Variants in SACM1L observed in about 807,000 individuals in gnomAD.
The protein encoded by SACM1L is SAC1 like phosphatidylinositide phosphatase.
Under a neutral mutation model 89.5 loss-of-function variants are expected in SACM1L, and 32 were observed. That is an observed-to-expected ratio of 0.36 (90% CI 0.27 to 0.48). The LOEUF (loss-of-function observed/expected upper bound fraction) is 0.48. Among genes scored for constraint, SACM1L ranks in the 20% least tolerant of loss-of-function variants. The pLI is 0.99. For synonymous variants in SACM1L, 213 were observed against 232.8 expected, an observed-to-expected ratio of 0.92 and a Z score of 0.77; for missense variants, 543 against 708.5, an observed-to-expected ratio of 0.77 and a Z score of 2.65.
intron 11 of SACM1L, among the ~76,000 whole-genome samples, chr3:45,730,389 A>G (rs1699022282): frequency 6.6e-6 from 1 of 151,288 alleles, no homozygotes; most frequent in Admixed American, 6.6e-5. Context: ...TATTTTTGCC[A>G]AAACTTTCTT....
intron 5 of SACM1L, among the ~76,000 whole-genome samples, chr3:45,711,493 C>G (rs375473117): frequency 6.6e-6 from 1 of 151,728 alleles, no homozygotes; most frequent in South Asian, 2.1e-4. Context: ...TCAGGTGTGG[C>G]GGCACGCACC....
chr3:45,740,773 C>T (rs1318284043), intron 19 of SACM1L, among the ~76,000 whole-genome samples: 1 of 151,856 alleles, frequency 6.6e-6, no homozygotes, highest in African/African-American at 2.4e-5. Flanking sequence ...CTTTTTTTCA[C>T]TGAGCAGTAT....
chr3:45,740,940 G>C (rs1699300320), intron 19 of SACM1L, among the ~76,000 whole-genome samples: 1 of 152,172 alleles, frequency 6.6e-6, no homozygotes, highest in Non-Finnish European at 1.5e-5. Context: ...AGGAGACAAG[G>C]TCTTTACTGG....
intron 19 of SACM1L, among the ~76,000 whole-genome samples, chr3:45,740,724 A>AT (rs1245467154): frequency 6.6e-6 from 1 of 151,926 alleles, no homozygotes; most frequent in South Asian, 2.1e-4. Context: ...AGTGTCTGTG[A>AT]TTTTTTTTCA....
intron 7 of SACM1L, among the ~76,000 whole-genome samples, chr3:45,716,460 C>T (rs535133479): frequency 3.5e-4 from 53 of 152,226 alleles, no homozygotes; most frequent in African/African-American, 1.3e-3. Context: ...CAGCGCAAGA[C>T]CTCTACTCAA....
intron 1 of SACM1L, among the ~76,000 whole-genome samples, chr3:45,691,909 A>T (rs1698001044): frequency 6.6e-6 from 1 of 152,180 alleles, no homozygotes; most frequent in Non-Finnish European, 1.5e-5. Context: ...TACAATTTCC[A>T]GTTCCATCTT....
chr3:45,697,269 C>CT (rs869095037), intron 1 of SACM1L, among the ~76,000 whole-genome samples: 2,197 of 91,996 alleles, frequency 0.024, 95 homozygotes, highest in African/African-American at 0.063. Flanking sequence ...TTTTCTTTTC[C>CT]TTTTTTTTTT....
At chr3:45,701,246 G>A (rs1213623005) in intron 1 of SACM1L, among the ~76,000 whole-genome samples, 2 of 152,084 alleles carry the variant, frequency 1.3e-5, no homozygotes, top group Admixed American at 1.3e-4. Context: ...TAGTAATAGA[G>A]TATGGTGAAG....
chr3:45,705,005 A>C, intron 2 of SACM1L, 130 bp from the exon 3 acceptor site: 1 of 601,460 alleles, frequency 1.7e-6, no homozygotes, highest in Non-Finnish European at 2.9e-6. Flanking sequence ...TAAGTTAAGG[A>C]ATGTTGCTTT....
chr3:45,723,270 GTGT>G (rs1201334511), intron 10 of SACM1L, among the ~76,000 whole-genome samples: 1 of 152,120 alleles, frequency 6.6e-6, no homozygotes, highest in African/African-American at 2.4e-5. Context: ...TAAAGTGGTA[GTGT>G]TGCAGCTCAG....
At chr3:45,732,770 T>C (rs1364915548) in intron 13 of SACM1L, among the ~76,000 whole-genome samples, 3 of 152,234 alleles carry the variant, frequency 2.0e-5, no homozygotes, top group Non-Finnish European at 4.4e-5. Context: ...TACCATACTC[T>C]ATGCGTGCCA....
intron 1 of SACM1L, among the ~76,000 whole-genome samples, chr3:45,697,417 C>T (rs549214730): frequency 2.6e-5 from 4 of 151,754 alleles, no homozygotes; most frequent in South Asian, 2.1e-4. Context: ...GCTGAGGCCA[C>T]AGGTGCATAC....
At chr3:45,731,505 C>A in intron 12 of SACM1L, 125 bp downstream of exon 12, 1 of 502,224 alleles carries the variant, frequency 2.0e-6, no homozygotes, top group South Asian at 4.1e-5. Context: ...TAGATCAAAG[C>A]ATGATATTTT....
rs1698140197 is a variant in SACM1L at position 45,696,886 on chromosome 3, A to G, written c.33-6552A>G. 1.3e-5 allele frequency among the ~76,000 whole-genome samples: 2 copies of G among 152,236 alleles called. 1 individual carries two copies. Among genetic ancestry groups the G allele is most frequent in the South Asian group, 4.1e-4 (2 of 4,836 alleles). On this transcript the variant is annotated intron_variant, in intron 1 of 19. Coordinates refer to ENST00000389061, the MANE Select transcript of SACM1L (RefSeq NM_014016.5). ...TGATGTTAATATTATAATTAAAGATATTGCTTTTCTTAAAATTTAACAAGA... is the reference window on the plus strand; with the variant it reads ...TGATGTTAATATTATAATTAAAGATGTTGCTTTTCTTAAAATTTAACAAGA...
intron 1 of SACM1L, among the ~76,000 whole-genome samples, chr3:45,700,889 C>G (rs564046849): frequency 1.3e-5 from 2 of 152,336 alleles, no homozygotes; most frequent in Admixed American, 1.3e-4. Flanking sequence ...CCAGGCTGGT[C>G]TCGAACACCT....
rs1699369099 is a variant in SACM1L at position 45,743,801 on chromosome 3, T to C, written c.*132T>C. Reference sequence around the variant, plus strand: ...ATCCAAAAGCACATCTTGTGCTCCATGCAGGATGATGACAGAATTGATCTG... The same window carrying C: ...ATCCAAAAGCACATCTTGTGCTCCACGCAGGATGATGACAGAATTGATCTG... On this transcript the variant is annotated 3_prime_UTR_variant, in exon 20 of 20. Transcript: ENST00000389061. The C allele has an allele frequency of 2.4e-6, 2 of 842,304 alleles. No individual in the cohort carries two copies. Among genetic ancestry groups the C allele is most frequent in the African/African-American group, 1.7e-5 (1 of 57,986 alleles). The allele number at this position is 842,304 out of a possible 1,614,324, so 52.2% of individuals were successfully genotyped here.
intron 8 of SACM1L, among the ~76,000 whole-genome samples, chr3:45,721,083 C>T (rs1698777119): frequency 6.6e-6 from 1 of 152,180 alleles, no homozygotes; most frequent in Non-Finnish European, 1.5e-5. Flanking sequence ...AATCCAAACA[C>T]TTTGCTTTTC....
At position 45,713,229 on chromosome 3, in the gene SACM1L, T is replaced by A. The variant is rs774427957; in HGVS notation, c.543+33T>A. On this transcript the variant is annotated intron_variant, in intron 6 of 19. Coordinates refer to ENST00000389061, the MANE Select transcript of SACM1L (RefSeq NM_014016.5). ...ACACGAAATAAAATCTGCTTAATTG[T>A]TACAGTCCAAGCTTTAATTCAATGC... 3 of 1,545,324 alleles carry A rather than the reference T, an allele frequency of 1.9e-6. No individual in the cohort carries two copies. The South Asian group carries it at 3.4e-5, about 18-fold the overall frequency.
At chr3:45,737,523 C>G in intron 14 of SACM1L, 60 bp from the exon 15 acceptor site, 1 of 1,508,842 alleles carries the variant, frequency 6.6e-7, no homozygotes. Context: ...GCTTTTTCTT[C>G]CTAAACCATG....
Sources: gnomAD v4.1 joint callset for allele counts (sites outside exome capture counted in the v4.1 genomes callset) on GRCh38, gnomAD v4.1.1 for gene constraint, MANE v1.5 for transcripts, NCBI Gene and HGNC (gene_info 2026-07-23, HGNC 2026-07-21) for gene names.